The following RIN2 variants were observed in gnomAD, a reference collection of about 807,000 sequenced individuals.
RIN2 encodes the protein RAB5 interacting protein 2.
Under a neutral mutation model 78.0 loss-of-function variants are expected in RIN2, and 36 were observed. The observed-to-expected ratio is 0.46, with a 90% CI of 0.35 to 0.61. RIN2 has a LOEUF of 0.61. Ranked by LOEUF, RIN2 falls within the 20% of genes least tolerant of loss-of-function variation. The pLI is 0.00. For missense variants in RIN2, 1,087 were observed against 1,159.7 expected (o/e 0.94, Z 0.91); for synonymous variants, 466 against 466.8 (o/e 1.00, Z 0.02).
chr20:19,854,205 C>T (rs1307323435), intron 2 of RIN2, among the ~76,000 whole-genome samples: 4 of 151,834 alleles, frequency 2.6e-5, no homozygotes, highest in African/African-American at 2.4e-5. Context: ...TGTGGTATTA[C>T]TTCTGAGGGC....
At chr20:19,892,105 A>T (rs1362837687) in intron 3 of RIN2, among the ~76,000 whole-genome samples, 1 of 152,226 alleles carries the variant, frequency 6.6e-6, no homozygotes, top group Non-Finnish European at 1.5e-5. Flanking sequence ...TCTGCCATGT[A>T]ACCTCTCCTG....
intron 2 of RIN2, among the ~76,000 whole-genome samples, chr20:19,831,210 C>G (rs980051039): frequency 6.6e-6 from 1 of 152,176 alleles, no homozygotes; most frequent in African/African-American, 2.4e-5. Context: ...AAGGAGATGT[C>G]TGGTACTTGG....
intron 2 of RIN2, among the ~76,000 whole-genome samples, chr20:19,842,651 A>G (rs1047394225): frequency 1.3e-5 from 2 of 152,068 alleles, no homozygotes; most frequent in African/African-American, 4.8e-5. Flanking sequence ...TTGACAATGC[A>G]TCTGGCCACC....
chr20:19,785,955 T>G (rs1268711872), intron 1 of RIN2, among the ~76,000 whole-genome samples: 5 of 152,236 alleles, frequency 3.3e-5, no homozygotes, highest in Non-Finnish European at 1.5e-5. Context: ...CCTGCCTCTG[T>G]GTGACCACAA....
At chr20:19,843,127 C>A (rs1449330676) in intron 2 of RIN2, among the ~76,000 whole-genome samples, 1 of 152,112 alleles carries the variant, frequency 6.6e-6, no homozygotes, top group Non-Finnish European at 1.5e-5. Flanking sequence ...TTGCTTCGTG[C>A]AAATGAGCAA....
At chr20:19,865,199 T>G (rs1414239134) in intron 2 of RIN2, among the ~76,000 whole-genome samples, 1 of 152,174 alleles carries the variant, frequency 6.6e-6, no homozygotes, top group African/African-American at 2.4e-5. Flanking sequence ...TAAGGAGAGA[T>G]GCTCACCGTC....
intron 2 of RIN2, among the ~76,000 whole-genome samples, chr20:19,858,683 C>T (rs1003365045): frequency 4.6e-5 from 7 of 152,184 alleles, no homozygotes; most frequent in African/African-American, 1.4e-4. Flanking sequence ...ATGAAACCTC[C>T]ATTTGGAATA....
At chr20:19,848,246 G>C (rs899758539) in intron 2 of RIN2, among the ~76,000 whole-genome samples, 3 of 152,072 alleles carry the variant, frequency 2.0e-5, no homozygotes, top group Non-Finnish European at 2.9e-5. Flanking sequence ...AAAAAGAGCA[G>C]GGTCTCGGCC....
At chr20:19,967,598 A>C (rs418251) in intron 7 of RIN2, among the ~76,000 whole-genome samples, 1 of 152,034 alleles carries the variant, frequency 6.6e-6, no homozygotes, top group Admixed American at 6.5e-5. Context: ...GAAAAGTGTC[A>C]TTGAGAATAC....
intron 3 of RIN2, among the ~76,000 whole-genome samples, chr20:19,926,076 G>A (rs183936489): frequency 3.3e-5 from 5 of 152,300 alleles, no homozygotes; most frequent in East Asian, 1.9e-4. Flanking sequence ...ACAATTTGTC[G>A]AGTGAAATTA....
intron 12 of RIN2, among the ~76,000 whole-genome samples, chr20:19,999,149 G>A (rs946483699): frequency 3.3e-5 from 5 of 152,124 alleles, no homozygotes; most frequent in Admixed American, 1.3e-4. Flanking sequence ...GAGGTAGTAC[G>A]TCTTGGTGGT....
At chr20:19,951,119 C>A (rs2041299514) in intron 4 of RIN2, among the ~76,000 whole-genome samples, 1 of 151,990 alleles carries the variant, frequency 6.6e-6, no homozygotes, top group Non-Finnish European at 1.5e-5. Flanking sequence ...GCCTCAAACT[C>A]CTGAGGTCAA....
chr20:19,957,342 G>A (rs556487286), intron 5 of RIN2, among the ~76,000 whole-genome samples: 21 of 152,248 alleles, frequency 1.4e-4, no homozygotes, highest in African/African-American at 3.9e-4. Flanking sequence ...ACCACTGTCC[G>A]TCCCATCCAG....
chr20:19,781,506 C>A (rs76837762), intron 1 of RIN2, among the ~76,000 whole-genome samples: 11,557 of 152,246 alleles, frequency 0.076, 434 homozygotes, highest in South Asian at 0.11. Context: ...CTGCTCACTG[C>A]AACCCCCGTC....
chr20:19,905,159 C>A (rs1201690736), intron 3 of RIN2, among the ~76,000 whole-genome samples: 2 of 152,152 alleles, frequency 1.3e-5, no homozygotes. Flanking sequence ...TGGTTTTCTT[C>A]TCTGCCCCGA....
chr20:19,978,409 G>A (rs983860421), intron 9 of RIN2, among the ~76,000 whole-genome samples: 6 of 152,186 alleles, frequency 3.9e-5, no homozygotes, highest in Non-Finnish European at 7.4e-5. Flanking sequence ...GTCTTCTTCA[G>A]AGGGTGGTTC....
At position 19,820,895 on chromosome 20, in the gene RIN2, C is replaced by T. The variant is rs74516022; in HGVS notation, c.-37+21148C>T. ...TTTACAGCATTTGCTGACTTCCATG[C>T]GGTATAAATACTCCCACCAAGCTAC... On this transcript the variant is annotated intron_variant, in intron 2 of 12. Transcript: ENST00000255006. 3.0e-3 allele frequency among the ~76,000 whole-genome samples: 451 copies of T among 152,286 alleles called. 5 individuals are homozygous for T. The highest frequency in any genetic ancestry group is 4.8e-3 in the Admixed American group (74 of 15,306).
chr20:19,919,297 A>G (rs1389232918), intron 3 of RIN2, among the ~76,000 whole-genome samples: 2 of 152,216 alleles, frequency 1.3e-5, no homozygotes, highest in Non-Finnish European at 2.9e-5. Context: ...GTCACTAACA[A>G]TGCAACCAAA....
At chr20:19,852,678 CT>C (rs888860293) in intron 2 of RIN2, among the ~76,000 whole-genome samples, 9 of 152,098 alleles carry the variant, frequency 5.9e-5, no homozygotes, top group African/African-American at 1.9e-4. Context: ...CTTTTCTAGC[CT>C]CCTCTCTGAT....
Sources: allele counts gnomAD v4.1 joint callset (sites outside exome capture counted in the v4.1 genomes callset), GRCh38; gene constraint gnomAD v4.1.1; transcripts MANE v1.5; gene names NCBI Gene and HGNC (gene_info 2026-07-23, HGNC 2026-07-21).